The following C10orf67 variants were observed in gnomAD, a reference collection of about 807,000 sequenced individuals.
The protein encoded by C10orf67 is chromosome 10 open reading frame 67.
In C10orf67, 60 loss-of-function variants were observed where a neutral mutation model predicts 35.6. That is an observed-to-expected ratio of 1.68 (90% CI 1.37 to 2.09). C10orf67 has a LOEUF of 2.09. Ranked by LOEUF, C10orf67 falls within the 30% of genes most tolerant of loss-of-function variation. The pLI is 0.00. For missense variants in C10orf67, 474 were observed against 330.2 expected (o/e 1.44, Z -3.38); for synonymous variants, 167 against 115.8 (o/e 1.44, Z -2.84).
Position 23,319,108 on chromosome 10 carries a change from A to C in C10orf67, c.546+1633T>G, listed in dbSNP as rs1195202714. On this transcript the variant is annotated intron_variant, in intron 4 of 15. Transcript: ENST00000636213. ...GTACAGATTATTTCATCATGCAGGT[A>C]ATAAGCATAGTACTCAATAGGTAGT... Among the ~76,000 whole-genome samples, 9 of 152,244 alleles carry C rather than the reference A, an allele frequency of 5.9e-5. No homozygotes were observed. In the South Asian group the frequency reaches 1.5e-3, roughly 25 times the overall value.
chr10:23,313,402 C>T (rs1275324298), intron 4 of C10orf67, among the ~76,000 whole-genome samples: 1 of 152,186 alleles, frequency 6.6e-6, no homozygotes, highest in Admixed American at 6.5e-5. Context: ...AATTCATGAT[C>T]TATTTCCAGT....
At chr10:23,241,454 AT>A (rs1408753842) in intron 12 of C10orf67, among the ~76,000 whole-genome samples, 2 of 152,134 alleles carry the variant, frequency 1.3e-5, no homozygotes, top group Non-Finnish European at 2.9e-5. Flanking sequence ...TGGTAAATGC[AT>A]TTTGCATGCA....
In C10orf67 at chr10:23,333,173, A is replaced by T; in HGVS notation, c.216T>A (p.Ile72=). 6.2e-7 allele frequency: 1 copy of T among 1,603,156 alleles called. No individual in the cohort carries two copies. Among genetic ancestry groups the T allele is most frequent in the Non-Finnish European group, 8.5e-7 (1 of 1,173,026 alleles). ...AAAAGCCAATCTTTAAATCATCTGA[A>T]ATGTTAAGTCTGAAAACAAAGGAAA... is the stretch of plus-strand genomic sequence containing the variant. ...PQMRGSTRLN[I]SDDLKIGFFS... Residue 72 remains isoleucine, a synonymous_variant, in exon 2 of 16, where the codon ATT becomes ATA. Transcript: ENST00000636213.
Position 23,223,670 on chromosome 10 carries a change from C to T in C10orf67, c.1510-12G>A, listed in dbSNP as rs1338960543. 1 of 717,360 alleles carries T rather than the reference C, an allele frequency of 1.4e-6. No homozygotes were observed. The highest frequency in any genetic ancestry group is 2.7e-5 in the East Asian group (1 of 37,264). 44.4% of individuals were successfully genotyped at this position (717,360 alleles called of 1,614,324 possible). The stretch of plus-strand genomic sequence containing the variant: ...TGCTTACCGTCTATCTGTAAGTGAA[C>T]CAAAACTTTTCATTACTTAAGTTGA... On this transcript the variant is annotated splice_polypyrimidine_tract_variant and intron_variant, in intron 14 of 15. Transcript: ENST00000636213.
In C10orf67 at chr10:23,297,774, G is replaced by A. The variant is rs568854845; in HGVS notation, c.702+5530C>T. Among the ~76,000 whole-genome samples the A allele has an allele frequency of 5.9e-5, 9 of 152,338 alleles. No individual in the cohort carries two copies. In the South Asian group the frequency reaches 8.3e-4, roughly 14 times the overall value. ...TTAAGAGTTGCACAAGTGCGCAGTC[G>A]CAGCACTGGCCCTTCAAGTAATAGA... On this transcript the variant is annotated intron_variant, in intron 5 of 15. Transcript: ENST00000636213.
intron 8 of C10orf67, among the ~76,000 whole-genome samples, chr10:23,276,363 A>G (rs1468103431): frequency 1.3e-5 from 2 of 152,144 alleles, no homozygotes; most frequent in Admixed American, 1.3e-4. Context: ...TCCTATTCAT[A>G]CAGAAGTCAT....
At chr10:23,344,391 C>T (rs1300640360) in intron 1 of C10orf67, 178 bp downstream of exon 1, 21 of 658,580 alleles carry the variant, frequency 3.2e-5, no homozygotes, top group Non-Finnish European at 4.9e-5. Context: ...CCAAGCCACC[C>T]CGCTGCGCTT....
At chr10:23,210,419 C>G (rs368084168) in intron 15 of C10orf67, among the ~76,000 whole-genome samples, 7 of 151,972 alleles carry the variant, frequency 4.6e-5, no homozygotes, top group African/African-American at 1.5e-4. Flanking sequence ...ACCTCAGACT[C>G]AATTTTTTTT....
intron 8 of C10orf67, among the ~76,000 whole-genome samples, chr10:23,272,527 CTCTAGTCTAT>C (rs1431958653): frequency 6.6e-6 from 1 of 152,212 alleles, no homozygotes; most frequent in African/African-American, 2.4e-5. Flanking sequence ...CTTCTAGATT[CTCTAGTCTAT>C]TCCAGCAATC....
At chr10:23,218,216 T>G (rs576478045) in intron 15 of C10orf67, among the ~76,000 whole-genome samples, 10 of 152,226 alleles carry the variant, frequency 6.6e-5, no homozygotes, top group Admixed American at 1.3e-4. Context: ...CATGGCACAC[T>G]GCAGCCTCCA....
At chr10:23,328,456 C>T (rs1157572272) in intron 2 of C10orf67, among the ~76,000 whole-genome samples, 1 of 152,126 alleles carries the variant, frequency 6.6e-6, no homozygotes, top group Non-Finnish European at 1.5e-5. Flanking sequence ...GGAAGGGGAG[C>T]AGCCATCTTG....
intron 4 of C10orf67, among the ~76,000 whole-genome samples, chr10:23,312,746 G>T (rs1327807153): frequency 6.6e-6 from 1 of 152,164 alleles, no homozygotes; most frequent in Non-Finnish European, 1.5e-5. Flanking sequence ...AACGTTAAAT[G>T]TTGCTGGTAT....
At chr10:23,341,072 C>G (rs1443607157) in intron 1 of C10orf67, among the ~76,000 whole-genome samples, 1 of 152,148 alleles carries the variant, frequency 6.6e-6, no homozygotes, top group Non-Finnish European at 1.5e-5. Flanking sequence ...CCTTTTACTC[C>G]TCTTCAAAGA....
intron 10 of C10orf67, among the ~76,000 whole-genome samples, chr10:23,254,925 C>T (rs994456663): frequency 2.0e-5 from 3 of 152,180 alleles, no homozygotes; most frequent in Non-Finnish European, 2.9e-5. Flanking sequence ...CCCTTTAAAT[C>T]GTCGAATATA....
intron 8 of C10orf67, among the ~76,000 whole-genome samples, chr10:23,268,007 G>T (rs1021355419): frequency 6.6e-6 from 1 of 152,070 alleles, no homozygotes; most frequent in Non-Finnish European, 1.5e-5. Context: ...CAATTTCAAA[G>T]CTGGGTGCAG....
intron 4 of C10orf67, among the ~76,000 whole-genome samples, chr10:23,307,014 A>G (rs1473626166): frequency 6.6e-6 from 1 of 152,246 alleles, no homozygotes; most frequent in Non-Finnish European, 1.5e-5. Flanking sequence ...GTAAACATCA[A>G]TGGTGCAACT....
At chr10:23,307,751 A>T (rs1161075113) in intron 4 of C10orf67, among the ~76,000 whole-genome samples, 1 of 151,604 alleles carries the variant, frequency 6.6e-6, no homozygotes, top group Non-Finnish European at 1.5e-5. Context: ...AAAGTAGCTG[A>T]GACTTCAGGC....
intron 7 of C10orf67, among the ~76,000 whole-genome samples, chr10:23,288,783 T>C (rs1370117980): frequency 1.3e-5 from 2 of 152,198 alleles, no homozygotes; most frequent in African/African-American, 4.8e-5. Flanking sequence ...TAAAAATGGA[T>C]ACTCGGTTCA....
intron 12 of C10orf67, among the ~76,000 whole-genome samples, chr10:23,249,458 C>T (rs113660818): frequency 1.3e-3 from 193 of 152,264 alleles, no homozygotes; most frequent in African/African-American, 4.5e-3. Context: ...AGCACATACA[C>T]GAAACACGGG....
Sources: allele counts gnomAD v4.1 joint callset (sites outside exome capture counted in the v4.1 genomes callset), GRCh38; gene constraint gnomAD v4.1.1; transcripts MANE v1.5; gene names NCBI Gene and HGNC (gene_info 2026-07-23, HGNC 2026-07-21).